ZMIZ1: variants seen among roughly 807,000 people sequenced by gnomAD.
The protein encoded by ZMIZ1 is zinc finger MIZ domain-containing protein 1.
ZMIZ1 carries 17 observed loss-of-function variants against 113.9 expected under a neutral mutation model. The observed-to-expected ratio is 0.15, with a 90% CI of 0.10 to 0.22. ZMIZ1 has a LOEUF of 0.22. Ranked by LOEUF, ZMIZ1 falls within the 10% of genes least tolerant of loss-of-function variation. The pLI is 1.00. For synonymous variants in ZMIZ1, 607 were observed against 603.1 expected, an observed-to-expected ratio of 1.01 and a Z score of -0.09; for missense variants, 1,059 against 1,477.8, an observed-to-expected ratio of 0.72 and a Z score of 4.65.
At chr10:79,166,479 C>T (rs551797820) in intron 4 of ZMIZ1, among the ~76,000 whole-genome samples, 10 of 152,238 alleles carry the variant, frequency 6.6e-5, no homozygotes, top group Non-Finnish European at 1.5e-4. Flanking sequence ...ATGGCCCTGC[C>T]GTGCCGGCCA....
intron 6 of ZMIZ1, among the ~76,000 whole-genome samples, chr10:79,209,375 C>T (rs1848453727): frequency 6.6e-6 from 1 of 152,240 alleles, no homozygotes; most frequent in African/African-American, 2.4e-5. Flanking sequence ...TGCCAGCCAA[C>T]AGGGCCCCAT....
intron 7 of ZMIZ1, among the ~76,000 whole-genome samples, chr10:79,259,200 G>GT (rs1274940528): frequency 1.3e-5 from 2 of 152,170 alleles, no homozygotes; most frequent in Non-Finnish European, 2.9e-5. Context: ...TGTTTAATTT[G>GT]TTTTTTCTTG....
rs142596400 is a variant in ZMIZ1 at position 79,305,827 on chromosome 10, C to T, written c.2423+226C>T. Among the ~76,000 whole-genome samples, 646 of 152,288 alleles carry T rather than the reference C, an allele frequency of 4.2e-3. 9 individuals are homozygous for T. The highest frequency in any genetic ancestry group is 0.014 in the African/African-American group (593 of 41,554). On this transcript the variant is annotated intron_variant, in intron 21 of 24. Coordinates refer to ENST00000334512, the MANE Select transcript of ZMIZ1 (RefSeq NM_020338.4). ...CAGCCACAGCAGGAGGCTGACAGTG[C>T]CCCGCCCCGACCCTCCACCTGCTGC...
At chr10:79,288,337 C>A (rs909909897) in intron 8 of ZMIZ1, among the ~76,000 whole-genome samples, 1 of 152,206 alleles carries the variant, frequency 6.6e-6, no homozygotes, top group African/African-American at 2.4e-5. Flanking sequence ...GCACCTCCAT[C>A]CCCAGTTGCC....
At chr10:79,209,673 G>A (rs760522371) in intron 6 of ZMIZ1, among the ~76,000 whole-genome samples, 9 of 152,240 alleles carry the variant, frequency 5.9e-5, no homozygotes, top group Admixed American at 2.0e-4. Context: ...CACGGCTATC[G>A]TGACAAAGCA....
At chr10:79,085,548 G>A (rs1842784969) in intron 1 of ZMIZ1, among the ~76,000 whole-genome samples, 1 of 152,180 alleles carries the variant, frequency 6.6e-6, no homozygotes, top group Admixed American at 6.5e-5. Context: ...GGCTCTCTGG[G>A]CCTGCCTCCT....
Position 79,178,698 on chromosome 10 carries a change from C to A in ZMIZ1, c.-50+16565C>A, listed in dbSNP as rs78936318. Among the ~76,000 whole-genome samples the A allele has an allele frequency of 5.3e-3, 801 of 152,348 alleles. 8 individuals are homozygous for A. The highest frequency in any genetic ancestry group is 0.019 in the African/African-American group (774 of 41,578). On this transcript the variant is annotated intron_variant, in intron 4 of 24. Coordinates refer to ENST00000334512, the MANE Select transcript of ZMIZ1 (RefSeq NM_020338.4). ...ATCCCTGCCCCACCCCTCCCCCACCCCCGCATGCTTCCTTCCCTCCTGCTC... is the reference window on the plus strand; with the variant it reads ...ATCCCTGCCCCACCCCTCCCCCACCACCGCATGCTTCCTTCCCTCCTGCTC...
intron 7 of ZMIZ1, among the ~76,000 whole-genome samples, chr10:79,237,262 G>A (rs141356799): frequency 1.8e-3 from 269 of 152,322 alleles, no homozygotes; most frequent in African/African-American, 6.1e-3. Context: ...TGGGTCACGC[G>A]GGGGGCTCAG....
intron 4 of ZMIZ1, among the ~76,000 whole-genome samples, chr10:79,188,800 A>C (rs1446530763): frequency 1.3e-5 from 2 of 152,166 alleles, no homozygotes; most frequent in African/African-American, 4.8e-5. Flanking sequence ...TTAGTGAAAA[A>C]AGCATTTTTG....
intron 4 of ZMIZ1, among the ~76,000 whole-genome samples, chr10:79,171,862 G>A (rs1260525930): frequency 1.3e-5 from 2 of 152,182 alleles, no homozygotes; most frequent in African/African-American, 4.8e-5. Flanking sequence ...CCTGCGACAG[G>A]AAGGCCCAGC....
At position 79,093,289 on chromosome 10, in the gene ZMIZ1, TTTTATTTATTTA is replaced by T. The variant is rs367815803; in HGVS notation, c.-337+24063_-337+24074del. On this transcript the variant is annotated intron_variant, in intron 1 of 24. Coordinates refer to ENST00000334512, the MANE Select transcript of ZMIZ1 (RefSeq NM_020338.4). ...GAAGGACTGCTGTACCCCAGTTTTA[TTTTATTTATTTA>T]TTTATTTATTTATTTATTTATTTAT... 3.4e-3 allele frequency among the ~76,000 whole-genome samples: 477 copies of T among 140,258 alleles called. 7 individuals carry two copies. The highest frequency in any genetic ancestry group is 6.9e-3 in the African/African-American group (258 of 37,180). The allele number at this position is 140,258 out of a possible 152,430, so 92.0% of individuals were successfully genotyped here.
At chr10:79,232,753 C>CTAA (rs1849442293) in intron 7 of ZMIZ1, among the ~76,000 whole-genome samples, 6 of 152,188 alleles carry the variant, frequency 3.9e-5, no homozygotes, top group Admixed American at 3.9e-4. Flanking sequence ...CTCCTTTCAG[C>CTAA]TTTACGAAAA....
chr10:79,293,224 C>T (rs2132036326), intron 11 of ZMIZ1, 157 bp from the exon 12 acceptor site: 1 of 1,033,512 alleles, frequency 9.7e-7, no homozygotes, highest in Non-Finnish European at 1.4e-6. Flanking sequence ...ATCCTGCTCC[C>T]CTGGGGCCTG....
intron 6 of ZMIZ1, among the ~76,000 whole-genome samples, chr10:79,215,302 C>CTT (rs57758020): frequency 4.1e-4 from 58 of 140,106 alleles, no homozygotes; most frequent in Middle Eastern, 3.6e-3. Flanking sequence ...TAAATCACCG[C>CTT]TTTTTTTTTT....
chr10:79,100,683 C>T (rs1206737200), intron 1 of ZMIZ1, among the ~76,000 whole-genome samples: 2 of 152,172 alleles, frequency 1.3e-5, no homozygotes, highest in African/African-American at 4.8e-5. Flanking sequence ...TCCCATGATC[C>T]CTGCTGCGTT....
chr10:79,164,425 TG>T (rs1201258031), intron 4 of ZMIZ1, among the ~76,000 whole-genome samples: 3 of 134,620 alleles, frequency 2.2e-5, no homozygotes, highest in African/African-American at 8.9e-5. Flanking sequence ...AGTGAGTGAG[TG>T]AGTGAGTGAG....
chr10:79,236,496 C>G (rs780239191), intron 7 of ZMIZ1, among the ~76,000 whole-genome samples: 1 of 152,184 alleles, frequency 6.6e-6, no homozygotes, highest in South Asian at 2.1e-4. Flanking sequence ...CACGGACATT[C>G]GAGCTGCCGT....
chr10:79,246,743 C>G (rs745339696), intron 7 of ZMIZ1, among the ~76,000 whole-genome samples: 123 of 152,282 alleles, frequency 8.1e-4, no homozygotes, highest in Non-Finnish European at 1.1e-3. Flanking sequence ...AGCTGCCTCA[C>G]GAGGGAGCCT....
rs75959181 is a variant in ZMIZ1, at chr10:79,208,591, G to A, written c.174+142G>A. 1,663 of 715,626 alleles carry A rather than the reference G, an allele frequency of 2.3e-3. 17 individuals carry two copies. In the African/African-American group the frequency reaches 0.026, roughly 11 times the overall value. The allele number at this position is 715,626 out of a possible 1,614,324, so 44.3% of individuals were successfully genotyped here. On this transcript the variant is annotated intron_variant, in intron 6 of 24. Transcript: ENST00000334512. ...GCTGGGAAGACACTGGTGCTGGGGG[G>A]ATGGCCCTATTTGGTGTGTCCCCCA...
Sources: gnomAD v4.1 joint callset for allele counts (sites outside exome capture counted in the v4.1 genomes callset) on GRCh38, gnomAD v4.1.1 for gene constraint, MANE v1.5 for transcripts, NCBI Gene and HGNC (gene_info 2026-07-23, HGNC 2026-07-21) for gene names.